The following WDR75 variants were observed in gnomAD, a reference collection of about 807,000 sequenced individuals.
WDR75 encodes WD repeat domain 75.
Under a neutral mutation model 106.1 loss-of-function variants are expected in WDR75, and 52 were observed. The ratio of observed to expected loss-of-function variants is 0.49; its 90% CI spans 0.39 to 0.62. WDR75 has a LOEUF of 0.62. Ranked by LOEUF, WDR75 falls within the 20% of genes least tolerant of loss-of-function variation. WDR75 has a pLI of 0.00. For synonymous variants in WDR75, 333 were observed against 335.5 expected (o/e 0.99, Z 0.08); for missense variants, 905 against 970.3 (o/e 0.93, Z 0.89).
chr2:189,459,771 A>G (rs1019258597), intron 8 of WDR75, among the ~76,000 whole-genome samples: 2 of 152,192 alleles, frequency 1.3e-5, no homozygotes, highest in African/African-American at 2.4e-5. Flanking sequence ...CACTACATCC[A>G]TTATCTGATT....
At chr2:189,473,055 T>A (rs1574206213) in intron 18 of WDR75, among the ~76,000 whole-genome samples, 2 of 151,920 alleles carry the variant, frequency 1.3e-5, no homozygotes, top group African/African-American at 4.8e-5. Flanking sequence ...CCATCTCTAC[T>A]AAAAATACAA....
intron 15 of WDR75, 22 bp downstream of exon 15, chr2:189,468,591 A>G (rs1191327673): frequency 6.2e-7 from 1 of 1,610,862 alleles, no homozygotes; most frequent in South Asian, 1.1e-5. Flanking sequence ...TTTACTCTAA[A>G]GTGATCTGGC....
rs191700515 is a variant in WDR75 at position 189,442,591 on chromosome 2, T to C, written c.86+1013T>C. Among the ~76,000 whole-genome samples, 170 of 151,852 alleles carry C rather than the reference T, an allele frequency of 1.1e-3. 1 individual carries two copies. The highest frequency in any genetic ancestry group is 1.8e-3 in the Non-Finnish European group (125 of 67,892). ...TCGGCCTCCTGAGTAGCAAGTATTA[T>C]AAGCGCGGGCCACCACGCCCGCTAA... is the stretch of plus-strand genomic sequence containing the variant. On this transcript the variant is annotated intron_variant, in intron 1 of 20. Coordinates refer to ENST00000314761, the MANE Select transcript of WDR75 (RefSeq NM_032168.3).
At chr2:189,466,717 A>G in intron 13 of WDR75, 135 bp downstream of exon 13, 4 of 859,184 alleles carry the variant, frequency 4.7e-6, no homozygotes, top group Non-Finnish European at 6.8e-6. Context: ...TAATCTTAAT[A>G]GATTTAAGAG....
intron 1 of WDR75, among the ~76,000 whole-genome samples, chr2:189,447,199 A>G (rs1242396027): frequency 6.6e-6 from 1 of 152,208 alleles, no homozygotes; most frequent in Non-Finnish European, 1.5e-5. Context: ...CAGAGCAAAT[A>G]CTTTTTACTT....
chr2:189,450,045 A>G (rs1686583283), intron 2 of WDR75: 1 of 984,344 alleles, frequency 1.0e-6, no homozygotes, highest in South Asian at 4.7e-5. Flanking sequence ...GTGCTACCAA[A>G]GTATGGTCCA....
chr2:189,450,563 C>T, intron 2 of WDR75: 1 of 1,085,536 alleles, frequency 9.2e-7, no homozygotes, highest in Non-Finnish European at 1.1e-6. Context: ...GTGATGCACC[C>T]ACCTGGGCCT....
rs148141861 is a variant in WDR75 at position 189,470,589 on chromosome 2, T to C, written c.1990-230T>C. On this transcript the variant is annotated intron_variant, in intron 17 of 20. Coordinates refer to ENST00000314761, the MANE Select transcript of WDR75 (RefSeq NM_032168.3). ...TTAAAATGGTGGCTTGAGTTTTGTC[T>C]GTCAGTTATATTTTTTATTCATTAC... Among the ~76,000 whole-genome samples the C allele has an allele frequency of 2.6e-3, 394 of 152,272 alleles. 1 individual carries two copies. Among genetic ancestry groups the C allele is most frequent in the African/African-American group, 8.2e-3 (342 of 41,556 alleles).
At chr2:189,449,197 T>C (rs1409063568) in intron 2 of WDR75, 1 of 1,259,090 alleles carries the variant, frequency 7.9e-7, no homozygotes, top group Non-Finnish European at 1.0e-6. Flanking sequence ...CTCAACAATA[T>C]TTTGTTCTTG....
In WDR75 at chr2:189,470,849, G is replaced by A. The variant is rs1176162161; in HGVS notation, c.2020G>A (p.Glu674Lys). Residue 674 changes from glutamate to lysine, a missense_variant, in exon 18 of 21, where the codon GAA becomes AAA. Transcript: ENST00000314761. ...ATTGACATTCAGTACAAAGTCTCCA[G>A]AAGAAAAACTCACACCAACAAGCAA... Reference protein sequence around the residue: ...SLLTFSTKSPEEKLTPTSKQL... With the variant: ...SLLTFSTKSPKEKLTPTSKQL... 1.3e-6 allele frequency: 2 copies of A among 1,595,400 alleles called. No homozygotes were observed. Among genetic ancestry groups the A allele is most frequent in the Non-Finnish European group, 1.7e-6 (2 of 1,172,380 alleles).
In WDR75 at chr2:189,457,334, G is replaced by C. The variant is rs927106583; in HGVS notation, c.522G>C (p.Arg174=). The change falls in exon 6 of 21, where the codon CGG becomes CGC. Residue 174 remains arginine (R), a synonymous_variant. Transcript: ENST00000314761. ...AGGGAGTATATGTTGCTGCAGTACGGGAATTTTACTTGTCTGTTTATTTTT... is the reference window on the plus strand; with the variant it reads ...AGGGAGTATATGTTGCTGCAGTACGCGAATTTTACTTGTCTGTTTATTTTT... ...GNEGVYVAAV[R]EFYLSVYFFK... 12 of 1,604,620 alleles carry C rather than the reference G, an allele frequency of 7.5e-6. No homozygotes were observed. The highest frequency in any genetic ancestry group is 8.5e-6 in the Non-Finnish European group (10 of 1,172,678).
chr2:189,472,894 A>G (rs1687143817), intron 18 of WDR75, among the ~76,000 whole-genome samples: 1 of 149,210 alleles, frequency 6.7e-6, no homozygotes, highest in Admixed American at 6.7e-5. Context: ...CTTACAATAA[A>G]GTATGCTAGA....
At position 189,467,979 on chromosome 2, in the gene WDR75, G is replaced by A. The variant is rs1029223160; in HGVS notation, c.1628+331G>A. Among the ~76,000 whole-genome samples the A allele has an allele frequency of 2.0e-5, 3 of 152,152 alleles. No homozygotes were observed. In the South Asian group the frequency reaches 6.2e-4, roughly 32 times the overall value. On this transcript the variant is annotated intron_variant, in intron 14 of 20. Transcript: ENST00000314761. ...TATTCCCATAAAAACCGTGTTATGC[G>A]CCAACCTCATTGTTTCCGAGAGGTG... is the stretch of plus-strand genomic sequence containing the variant.
intron 2 of WDR75, chr2:189,449,501 T>A: frequency 9.1e-7 from 1 of 1,099,532 alleles, no homozygotes. Flanking sequence ...TTTGTTAAAA[T>A]TGAAATTTGT....
At chr2:189,474,128 T>G in intron 18 of WDR75, 58 bp from the exon 19 acceptor site, 1 of 1,548,096 alleles carries the variant, frequency 6.5e-7, no homozygotes, top group Non-Finnish European at 8.8e-7. Context: ...TACTGTTAAG[T>G]CAAACACAGT....
At chr2:189,470,268 G>A (rs1161448531) in intron 17 of WDR75, 23 bp downstream of exon 17, 12 of 1,604,494 alleles carry the variant, frequency 7.5e-6, no homozygotes, top group Admixed American at 1.7e-5. Flanking sequence ...CTCAAAAAAG[G>A]CGATCACTTT....
At chr2:189,461,740 GTTTCA>G (rs1431799341) in intron 8 of WDR75, among the ~76,000 whole-genome samples, 2 of 152,024 alleles carry the variant, frequency 1.3e-5, no homozygotes, top group African/African-American at 4.8e-5. Context: ...AGCCTTTCTG[GTTTCA>G]TTTCAGTGCA....
chr2:189,444,259 G>A (rs1686447279), intron 1 of WDR75, among the ~76,000 whole-genome samples: 1 of 152,166 alleles, frequency 6.6e-6, no homozygotes, highest in Non-Finnish European at 1.5e-5. Context: ...TTACCTCAAG[G>A]TGCTTATCAA....
chr2:189,443,844 A>C (rs994419904), intron 1 of WDR75, among the ~76,000 whole-genome samples: 4 of 152,188 alleles, frequency 2.6e-5, no homozygotes, highest in Admixed American at 2.6e-4. Flanking sequence ...CTCTGGAAGA[A>C]TAGAGACCAG....
Sources: gnomAD v4.1 joint callset for allele counts (sites outside exome capture counted in the v4.1 genomes callset) on GRCh38, gnomAD v4.1.1 for gene constraint, MANE v1.5 for transcripts, NCBI Gene and HGNC (gene_info 2026-07-23, HGNC 2026-07-21) for gene names.